TDRD5: variants seen among roughly 807,000 people sequenced by gnomAD.
TDRD5 encodes the protein tudor domain containing 5.
In TDRD5, 41 loss-of-function variants were observed where a neutral mutation model predicts 120.6. That is an observed-to-expected ratio of 0.34 (90% CI 0.26 to 0.44). The LOEUF (loss-of-function observed/expected upper bound fraction) is 0.44, where lower values mean the gene tolerates loss of function less well. Among genes scored for constraint, TDRD5 ranks in the 20% least tolerant of loss-of-function variants. The probability of loss-of-function intolerance (pLI) is 1.00; values close to 1 mark genes in which losing one functional copy is unlikely to be tolerated. For missense variants in TDRD5, 1,006 were observed against 1,221.2 expected, an observed-to-expected ratio of 0.82 and a Z score of 2.63; for synonymous variants, 430 against 433.7, an observed-to-expected ratio of 0.99 and a Z score of 0.11.
chr1:179,689,747 C>T (rs74868077), intron 17 of TDRD5, among the ~76,000 whole-genome samples: 1 of 152,218 alleles, frequency 6.6e-6, no homozygotes, highest in Admixed American at 6.5e-5. Context: ...CAAACCTCAG[C>T]AATGGCGGGC....
intron 17 of TDRD5, among the ~76,000 whole-genome samples, chr1:179,682,551 C>G (rs971040717): frequency 6.6e-6 from 1 of 152,126 alleles, no homozygotes; most frequent in Non-Finnish European, 1.5e-5. Flanking sequence ...ATCCATGTCC[C>G]TGCAAAGAAC....
Position 179,650,400 on chromosome 1 carries a change from CAAAAAAAAAAA to C in TDRD5, c.1801-454_1801-444del, listed in dbSNP as rs35053562. Among the ~76,000 whole-genome samples, 4 of 90,962 alleles carry C rather than the reference CAAAAAAAAAAA, an allele frequency of 4.4e-5. No homozygotes were observed. In the South Asian group the frequency reaches 1.2e-3, roughly 28 times the overall value. The allele number at this position is 90,962 out of a possible 152,430, so 59.7% of individuals were successfully genotyped here. A position where few individuals can be genotyped will look rare whatever the true frequency, so the allele number is the denominator to read the frequency against. Reference sequence around the variant, plus strand: ...TGGGCAACAGAGCAAGACTCTGTCTCAAAAAAAAAAAAAAAAAAAAAAAGTTCAAATTGCCT... The same window carrying C: ...TGGGCAACAGAGCAAGACTCTGTCTCAAAAAAAAAAAAGTTCAAATTGCCT... On this transcript the variant is annotated intron_variant, in intron 11 of 17. Transcript: ENST00000444136.
chr1:179,683,247 A>G (rs999167798), intron 17 of TDRD5, among the ~76,000 whole-genome samples: 1 of 152,172 alleles, frequency 6.6e-6, no homozygotes, highest in Non-Finnish European at 1.5e-5. Flanking sequence ...TGCTTGTTCA[A>G]TGTCTGAAAG....
intron 4 of TDRD5, among the ~76,000 whole-genome samples, chr1:179,604,794 T>G (rs1350445013): frequency 2.0e-5 from 3 of 152,178 alleles, no homozygotes; most frequent in Non-Finnish European, 2.9e-5. Context: ...TATGGCCTAT[T>G]ATATGGTCTA....
chr1:179,685,160 G>A (rs1206205795), intron 17 of TDRD5, among the ~76,000 whole-genome samples: 1 of 152,114 alleles, frequency 6.6e-6, no homozygotes, highest in Non-Finnish European at 1.5e-5. Context: ...TTTCTTCTAG[G>A]GTTTTTATGG....
intron 5 of TDRD5, among the ~76,000 whole-genome samples, chr1:179,620,156 A>G (rs1374050125): frequency 6.6e-6 from 1 of 152,200 alleles, no homozygotes. Flanking sequence ...GTGCACACAT[A>G]AAGGAGTTTC....
rs1338094115 is a variant in TDRD5, at chr1:179,639,961, A to G, written c.1643A>G (p.His548Arg). The G allele has an allele frequency of 3.7e-6, 6 of 1,614,046 alleles. No homozygotes were observed. Among genetic ancestry groups the G allele is most frequent in the African/African-American group, 1.3e-5 (1 of 74,932 alleles). ...EDKWWYRVII[H>R]RVLEKQEVEV... ...AAGTGGTGGTATCGGGTCATTATCC[A>G]TCGAGTCCTTGAGAAACAGGAAGTT... Residue 548 changes from histidine to arginine, a missense_variant, in exon 10 of 18, where the codon CAT becomes CGT. Transcript: ENST00000444136.
At chr1:179,643,590 TG>T (rs139138735) in intron 11 of TDRD5, among the ~76,000 whole-genome samples, 4,466 of 152,030 alleles carry the variant, frequency 0.029, 221 homozygotes, top group African/African-American at 0.1. Context: ...ATAGCAGATT[TG>T]GAGACAGTGG....
chr1:179,655,004 T>A (rs915965097), intron 14 of TDRD5, among the ~76,000 whole-genome samples: 1 of 152,192 alleles, frequency 6.6e-6, no homozygotes, highest in African/African-American at 2.4e-5. Context: ...TGTATTTTTA[T>A]TTTAATCAAA....
intron 4 of TDRD5, among the ~76,000 whole-genome samples, chr1:179,606,615 G>C (rs960946528): frequency 6.6e-6 from 1 of 152,070 alleles, no homozygotes; most frequent in African/African-American, 2.4e-5. Flanking sequence ...GTTTGTGAAG[G>C]GTGTAAGGTC....
At chr1:179,641,428 G>A (rs1017978104) in intron 11 of TDRD5, among the ~76,000 whole-genome samples, 1 of 152,032 alleles carries the variant, frequency 6.6e-6, no homozygotes, top group African/African-American at 2.4e-5. Flanking sequence ...TACTCAGGAG[G>A]CTGAGACAGG....
At chr1:179,683,743 T>C (rs1680550766) in intron 17 of TDRD5, among the ~76,000 whole-genome samples, 1 of 152,230 alleles carries the variant, frequency 6.6e-6, no homozygotes, top group Non-Finnish European at 1.5e-5. Context: ...TGGACTATAC[T>C]GTAAGGAGTT....
At chr1:179,628,319 CTTTTCTTTT>C (rs1419622924) in intron 6 of TDRD5, among the ~76,000 whole-genome samples, 234 of 76,236 alleles carry the variant, frequency 3.1e-3, no homozygotes, top group African/African-American at 0.011. Context: ...CTTTTCTTTT[CTTTTCTTTT>C]TTTTTTTTTT....
chr1:179,639,397 A>G (rs1002785120), intron 9 of TDRD5, among the ~76,000 whole-genome samples: 7 of 152,208 alleles, frequency 4.6e-5, no homozygotes, highest in Admixed American at 1.3e-4. Context: ...AAAAAAAATA[A>G]CTATTGACAA....
chr1:179,600,103 A>C (rs1183036807), intron 4 of TDRD5, among the ~76,000 whole-genome samples: 1 of 152,114 alleles, frequency 6.6e-6, no homozygotes. Context: ...ATAGGTGATG[A>C]CAGCTCCATG....
Position 179,621,049 on chromosome 1 carries a change from C to T in TDRD5, c.930C>T (p.Phe310=), listed in dbSNP as rs897580278. The T allele has an allele frequency of 1.9e-6, 3 of 1,602,870 alleles. No individual in the cohort carries two copies. Among genetic ancestry groups the T allele is most frequent in the African/African-American group, 1.3e-5 (1 of 74,120 alleles). The part of the protein sequence containing the change: ...KHKIKFVVSK[F]PEGLFISKLL... ...CTATTTGTTAGGTTGTATCTAAGTT[C>T]CCAGAGGGTTTGTTTATTTCTAAAC... The change falls in exon 6 of 18, where the codon TTC becomes TTT. Residue 310 remains phenylalanine (F), a synonymous_variant. Coordinates refer to ENST00000444136, the MANE Select transcript of TDRD5 (RefSeq NM_001199085.3).
chr1:179,643,646 GT>G (rs1340778509), intron 11 of TDRD5, among the ~76,000 whole-genome samples: 2 of 152,072 alleles, frequency 1.3e-5, no homozygotes, highest in African/African-American at 4.8e-5. Flanking sequence ...ATTATCCAAT[GT>G]GAAGAAGAGC....
chr1:179,664,691 T>C (rs1297195603), intron 16 of TDRD5, among the ~76,000 whole-genome samples: 1 of 152,198 alleles, frequency 6.6e-6, no homozygotes, highest in African/African-American at 2.4e-5. Context: ...CCACATCTTA[T>C]TTATCCATTC....
intron 6 of TDRD5, among the ~76,000 whole-genome samples, chr1:179,623,579 A>G (rs918029082): frequency 2.7e-5 from 4 of 150,040 alleles, no homozygotes; most frequent in East Asian, 2.0e-4. Context: ...TATTAGTCAT[A>G]TACAGATTGT....
Sources: allele counts gnomAD v4.1 joint callset (sites outside exome capture counted in the v4.1 genomes callset), GRCh38; gene constraint gnomAD v4.1.1; transcripts MANE v1.5; gene names NCBI Gene and HGNC (gene_info 2026-07-23, HGNC 2026-07-21).